The following MCTP2 variants were observed in gnomAD, a reference collection of about 807,000 sequenced individuals.
The protein encoded by MCTP2 is multiple C2 and transmembrane domain-containing protein 2.
A neutral mutation model predicts 111.6 loss-of-function variants in MCTP2; 132 were observed. The ratio of observed to expected loss-of-function variants is 1.18; its 90% confidence interval spans 1.03 to 1.37. MCTP2 has a LOEUF of 1.37. MCTP2 is among the 40% of genes most tolerant of loss of function. The pLI is 0.00. For missense variants in MCTP2, 1,183 were observed against 1,067.9 expected (o/e 1.11, Z -1.50); for synonymous variants, 395 against 387.7 (o/e 1.02, Z -0.22).
At chr15:94,319,613 G>A (rs2076536651) in intron 4 of MCTP2, among the ~76,000 whole-genome samples, 1 of 152,280 alleles carries the variant, frequency 6.6e-6, no homozygotes, top group Admixed American at 6.5e-5. Context: ...GTCACAGGTG[G>A]GTGTCGGCAC....
At chr15:94,464,245 T>TATATATATA (rs1555481347) in intron 20 of MCTP2, among the ~76,000 whole-genome samples, 5 of 56,688 alleles carry the variant, frequency 8.8e-5, no homozygotes, top group African/African-American at 3.2e-4. Flanking sequence ...ATATAATATA[T>TATATATATA]ATATATATAT....
At chr15:94,333,710 T>G (rs1230517773) in intron 4 of MCTP2, among the ~76,000 whole-genome samples, 1 of 152,220 alleles carries the variant, frequency 6.6e-6, no homozygotes, top group Non-Finnish European at 1.5e-5. Context: ...TGAGTTGCCA[T>G]GGGTCCTTAC....
chr15:94,407,207 T>A (rs2081945639), intron 17 of MCTP2, among the ~76,000 whole-genome samples: 1 of 152,216 alleles, frequency 6.6e-6, no homozygotes, highest in African/African-American at 2.4e-5. Flanking sequence ...TAAATGCATT[T>A]TTCATATGTT....
At chr15:94,435,603 G>C (rs1436401504) in intron 17 of MCTP2, among the ~76,000 whole-genome samples, 1 of 147,570 alleles carries the variant, frequency 6.8e-6, no homozygotes, top group Non-Finnish European at 1.5e-5. Flanking sequence ...CATGTCATCT[G>C]CTAAAAAAGT....
At position 94,367,662 on chromosome 15, in the gene MCTP2, A is replaced by G. The variant is rs1234993203; in HGVS notation, c.1359A>G (p.Pro453=). 2 of 1,612,072 alleles carry G rather than the reference A, an allele frequency of 1.2e-6. No individual in the cohort carries two copies. The highest frequency in any genetic ancestry group is 3.3e-5 in the Admixed American group (2 of 59,826). The part of the protein sequence containing the change: ...PLKQANCLEL[P]LDSCLGALLM... The stretch of plus-strand genomic sequence containing the variant: ...AGCAAGCCAACTGCCTGGAGCTGCC[A>G]CTGGACAGCTGTCTGGGGGCTCTCC... The change falls in exon 11 of 23, where the codon CCA becomes CCG. Residue 453 remains proline (P), a synonymous_variant. Transcript: ENST00000357742.
rs570939534 is a variant in MCTP2 at position 94,302,876 on chromosome 15, A to G, written c.465+4146A>G. Among the ~76,000 whole-genome samples, 10 of 152,018 alleles carry G rather than the reference A, an allele frequency of 6.6e-5. No homozygotes were observed. The South Asian group carries it at 2.1e-3, about 32-fold the overall frequency. ...TGATAGACATAACGAGACGGGGCAA[A>G]TTACAAAAGAAAGACGTTTAATATG... On this transcript the variant is annotated intron_variant, in intron 2 of 22. Coordinates refer to ENST00000357742, the MANE Select transcript of MCTP2 (RefSeq NM_001385001.1).
intron 4 of MCTP2, among the ~76,000 whole-genome samples, chr15:94,330,270 T>G (rs949652788): frequency 1.3e-5 from 2 of 152,218 alleles, no homozygotes; most frequent in Non-Finnish European, 2.9e-5. Flanking sequence ...TATTTTTTTC[T>G]ATAAAGGCTG....
chr15:94,482,874 A>C lies in MCTP2; in HGVS notation c.*3840A>C, dbSNP rs1342030134. ...TGCAAGAAAGCTGATGTGGTCAATA[A>C]TATCAAATGCCGCTGAGATCACATA... On this transcript the variant is annotated 3_prime_UTR_variant, in exon 23 of 23. Coordinates refer to ENST00000357742, the MANE Select transcript of MCTP2 (RefSeq NM_001385001.1). The C allele has an allele frequency of 1.3e-5, 2 of 152,348 alleles. No individual in the cohort carries two copies. Among genetic ancestry groups the C allele is most frequent in the South Asian group, 4.1e-4 (2 of 4,828 alleles). The allele number at this position is 152,348 out of a possible 1,614,324, so 9.4% of individuals were successfully genotyped here.
chr15:94,371,501 C>T (rs1596497084), intron 12 of MCTP2, among the ~76,000 whole-genome samples: 1 of 152,090 alleles, frequency 6.6e-6, no homozygotes, highest in Non-Finnish European at 1.5e-5. Flanking sequence ...CAGCGCTTTT[C>T]GAATGCACTG....
chr15:94,393,786 A>G (rs2081122354), intron 14 of MCTP2, among the ~76,000 whole-genome samples: 1 of 152,216 alleles, frequency 6.6e-6, no homozygotes, highest in African/African-American at 2.4e-5. Flanking sequence ...ACGGTGGCTC[A>G]CACCTGTAAT....
intron 4 of MCTP2, among the ~76,000 whole-genome samples, chr15:94,336,913 G>A (rs567319052): frequency 9.1e-4 from 138 of 152,152 alleles, no homozygotes; most frequent in African/African-American, 2.8e-3. Flanking sequence ...TGGAGGCACC[G>A]TCTCTGGACT....
chr15:94,390,106 A>G (rs796864876), intron 14 of MCTP2, among the ~76,000 whole-genome samples: 1,540 of 29,828 alleles, frequency 0.052, 75 homozygotes, highest in Middle Eastern at 0.25. Flanking sequence ...ATATATATAT[A>G]TATATATGTA....
intron 19 of MCTP2, among the ~76,000 whole-genome samples, chr15:94,451,107 C>T (rs1249816490): frequency 6.6e-6 from 1 of 152,132 alleles, no homozygotes; most frequent in Non-Finnish European, 1.5e-5. Context: ...ACAACACAGA[C>T]ACATTATTTG....
At chr15:94,397,298 A>G (rs561825250) in intron 14 of MCTP2, among the ~76,000 whole-genome samples, 2 of 152,310 alleles carry the variant, frequency 1.3e-5, no homozygotes, top group African/African-American at 4.8e-5. Flanking sequence ...TCCCTTTGCT[A>G]TAAAATATTT....
In MCTP2 at chr15:94,356,246, G is replaced by A; in HGVS notation, c.1115G>A (p.Ser372Asn). ...LLEGKNVSGG[S>N]MTEMFVQLKL... ...GAAGGGAAGAATGTCTCAGGAGGAAGCATGACAGAGATGTTTGTCCAGTTA... is the reference window on the plus strand; with the variant it reads ...GAAGGGAAGAATGTCTCAGGAGGAAACATGACAGAGATGTTTGTCCAGTTA... Residue 372 changes from serine (S) to asparagine (N), a missense_variant, in exon 9 of 23, where the codon AGC becomes AAC. By Grantham distance (46) the Ser-to-Asn change is conservative (BLOSUM62 1). Transcript: ENST00000357742. 2 of 1,613,026 alleles carry A rather than the reference G, an allele frequency of 1.2e-6. No homozygotes were observed. Among genetic ancestry groups the A allele is most frequent in the Non-Finnish European group, 8.5e-7 (1 of 1,179,438 alleles).
At chr15:94,343,620 T>C (rs955615785) in intron 7 of MCTP2, 1 of 152,172 alleles carries the variant, frequency 6.6e-6, no homozygotes, top group African/African-American at 2.4e-5. Context: ...TGTTCTTTTT[T>C]TGTGGCAAAA....
chr15:94,477,143 A>T (rs2074433199), intron 22 of MCTP2, among the ~76,000 whole-genome samples: 1 of 152,016 alleles, frequency 6.6e-6, no homozygotes, highest in Non-Finnish European at 1.5e-5. Flanking sequence ...AGTGTTGCTT[A>T]TTTTCTTCTT....
chr15:94,464,267 A>ATATTATATATATAT (rs1567765131), intron 20 of MCTP2, among the ~76,000 whole-genome samples: 1 of 70,190 alleles, frequency 1.4e-5, no homozygotes, highest in African/African-American at 5.3e-5. Flanking sequence ...TTATATATAT[A>ATATTATATATATAT]TATATATATA....
chr15:94,237,093 A>T (rs1292876293), intron 1 of MCTP2, among the ~76,000 whole-genome samples: 1 of 152,072 alleles, frequency 6.6e-6, no homozygotes, highest in Non-Finnish European at 1.5e-5. Flanking sequence ...TGAGTCTGAG[A>T]TGTTTGGATG....
Sources: gnomAD v4.1 joint callset for allele counts (sites outside exome capture counted in the v4.1 genomes callset) on GRCh38, gnomAD v4.1.1 for gene constraint, MANE v1.5 for transcripts, NCBI Gene and HGNC (gene_info 2026-07-23, HGNC 2026-07-21) for gene names.